Variants in CCDC7 observed in about 807,000 individuals in gnomAD.
CCDC7 encodes the protein coiled-coil domain-containing protein 7.
Under a neutral mutation model 196.9 loss-of-function variants are expected in CCDC7, and 183 were observed. The observed-to-expected ratio is 0.93, with a 90% confidence interval of 0.82 to 1.05. CCDC7 has a LOEUF of 1.05. CCDC7 is among the 50% of genes least tolerant of loss of function. The pLI, the probability that CCDC7 is intolerant of heterozygous loss-of-function variation, is 0.00. For synonymous variants in CCDC7, 525 were observed against 484.6 expected (o/e 1.08, Z -1.10); for missense variants, 1,540 against 1,482.2 (o/e 1.04, Z -0.64).
At chr10:32,718,524 G>A (rs1046727219) in intron 25 of CCDC7, among the ~76,000 whole-genome samples, 14 of 151,434 alleles carry the variant, frequency 9.2e-5, no homozygotes, top group Non-Finnish European at 5.9e-5. Context: ...TCTGGCCAGG[G>A]CAATTAGGGA....
intron 9 of CCDC7, among the ~76,000 whole-genome samples, chr10:32,502,643 TC>T (rs1461742666): frequency 6.6e-6 from 1 of 152,160 alleles, no homozygotes; most frequent in African/African-American, 2.4e-5. Flanking sequence ...CTACTCAGGG[TC>T]TTTTGTGGTC....
upstream of CCDC7, among the ~76,000 whole-genome samples, chr10:32,449,270 C>T (rs1223881751): frequency 6.6e-6 from 1 of 152,074 alleles, no homozygotes; most frequent in African/African-American, 2.4e-5. Context: ...TCACTGCAAC[C>T]TCTACCTCCG....
intron 30 of CCDC7, among the ~76,000 whole-genome samples, chr10:32,807,990 C>T (rs145464468): frequency 1.8e-3 from 276 of 152,220 alleles, no homozygotes; most frequent in Middle Eastern, 0.014. Context: ...CTGACATCCC[C>T]CTGCATCTAT....
At chr10:32,652,982 A>T (rs80042631) in intron 20 of CCDC7, among the ~76,000 whole-genome samples, 220 of 152,312 alleles carry the variant, frequency 1.4e-3, no homozygotes, top group Non-Finnish European at 2.5e-3. Context: ...CTTATAAAAC[A>T]GGTTTGGATG....
downstream of CCDC7, among the ~76,000 whole-genome samples, chr10:32,879,424 C>T (rs1001246605): frequency 3.3e-5 from 5 of 151,984 alleles, no homozygotes; most frequent in East Asian, 1.9e-4. Context: ...GGTCGTTGCT[C>T]GGGGCGATGT....
upstream of CCDC7, among the ~76,000 whole-genome samples, chr10:32,445,035 G>A (rs978577916): frequency 2.6e-5 from 4 of 152,002 alleles, no homozygotes; most frequent in African/African-American, 4.8e-5. Flanking sequence ...TGTATTTTTA[G>A]TAGAGATGGG....
intron 24 of CCDC7, among the ~76,000 whole-genome samples, chr10:32,704,312 T>C (rs934054198): frequency 2.0e-5 from 3 of 152,148 alleles, no homozygotes; most frequent in Admixed American, 6.5e-5. Context: ...CAGCGGAAGC[T>C]GCAGAACAGT....
At chr10:32,765,167 A>G (rs1039523252) in intron 28 of CCDC7, among the ~76,000 whole-genome samples, 1 of 152,012 alleles carries the variant, frequency 6.6e-6, no homozygotes, top group African/African-American at 2.4e-5. Context: ...GACCTAGTAT[A>G]CTGCCCAAAA....
At chr10:32,800,127 G>C (rs1334909131) in intron 29 of CCDC7, among the ~76,000 whole-genome samples, 6 of 152,178 alleles carry the variant, frequency 3.9e-5, no homozygotes, top group Non-Finnish European at 7.3e-5. Context: ...CATTCTCCAA[G>C]ATCCACCTGT....
At chr10:32,803,714 G>T (rs1218888556) in intron 29 of CCDC7, among the ~76,000 whole-genome samples, 2 of 151,998 alleles carry the variant, frequency 1.3e-5, no homozygotes, top group Non-Finnish European at 2.9e-5. Flanking sequence ...TTTAATTCAG[G>T]AATTTAAACC....
intron 23 of CCDC7, among the ~76,000 whole-genome samples, chr10:32,694,575 C>T (rs73259493): frequency 0.053 from 8,078 of 152,132 alleles, 717 homozygotes; most frequent in African/African-American, 0.18. Flanking sequence ...TAATAAATAA[C>T]ATTGTACCTA....
chr10:32,693,339 T>C (rs544735466), intron 23 of CCDC7, among the ~76,000 whole-genome samples: 5 of 152,334 alleles, frequency 3.3e-5, no homozygotes, highest in African/African-American at 1.2e-4. Context: ...TAACATTGTT[T>C]CTTATATCTC....
At chr10:32,764,093 C>T (rs1157054332) in intron 28 of CCDC7, among the ~76,000 whole-genome samples, 3 of 151,814 alleles carry the variant, frequency 2.0e-5, no homozygotes, top group African/African-American at 7.2e-5. Context: ...AAGACAGAAG[C>T]AGCCTTTTCA....
chr10:32,465,441 CTT>C (rs34042956), intron 5 of CCDC7, among the ~76,000 whole-genome samples: 119,440 of 140,610 alleles, frequency 0.85, 51,636 homozygotes, highest in East Asian at 0.97. Context: ...ATTAAACAGA[CTT>C]TTTTTTTTTT....
At chr10:32,846,309 C>T (rs534288646) in intron 36 of CCDC7, 67 bp from the exon 38 acceptor site, 3 of 902,678 alleles carry the variant, frequency 3.3e-6, no homozygotes, top group Admixed American at 4.7e-5. Flanking sequence ...TAGTTAAACA[C>T]ACACGTATAC....
At chr10:32,446,061 C>G (rs1592671935), upstream of CCDC7, 1 of 152,212 alleles carries the variant, frequency 6.6e-6, no homozygotes, top group Non-Finnish European at 1.5e-5. Flanking sequence ...CCGCTCTCGG[C>G]GCGCAGCTCA....
intron 2 of CCDC7, among the ~76,000 whole-genome samples, chr10:32,454,590 A>C (rs917784719): frequency 6.6e-6 from 1 of 151,290 alleles, no homozygotes; most frequent in South Asian, 2.1e-4. Context: ...AAAAAAAACC[A>C]CCAAAAAAAT....
chr10:32,563,552 G>T (rs1288214003), intron 13 of CCDC7, among the ~76,000 whole-genome samples: 1 of 152,156 alleles, frequency 6.6e-6, no homozygotes, highest in African/African-American at 2.4e-5. Context: ...AATGGGGAAA[G>T]GATTCCCTAT....
intron 3 of CCDC7, among the ~76,000 whole-genome samples, chr10:32,458,839 A>G (rs1417018118): frequency 6.6e-6 from 1 of 152,134 alleles, no homozygotes; most frequent in Admixed American, 6.5e-5. Context: ...ACTCAAAGCT[A>G]TCTGCAGATT....
Sources: gnomAD v4.1 joint callset for allele counts (sites outside exome capture counted in the v4.1 genomes callset) on GRCh38, gnomAD v4.1.1 for gene constraint, MANE v1.5 for transcripts, NCBI Gene and HGNC (gene_info 2026-07-23, HGNC 2026-07-21) for gene names.